The following RPA1 variants were observed in gnomAD, a reference collection of about 807,000 sequenced individuals.
The protein encoded by RPA1 is replication protein A1.
Under a neutral mutation model 83.0 loss-of-function variants are expected in RPA1, and 49 were observed. The observed-to-expected ratio is 0.59, with a 90% CI of 0.47 to 0.75. The LOEUF (loss-of-function observed/expected upper bound fraction) is 0.75, where lower values mean the gene tolerates loss of function less well. Among genes scored for constraint, RPA1 ranks in the 30% least tolerant of loss-of-function variants. RPA1 has a pLI of 0.00. For synonymous variants in RPA1, 279 were observed against 281.8 expected (o/e 0.99, Z 0.10); for missense variants, 693 against 776.1 (o/e 0.89, Z 1.27).
At chr17:1,875,929 T>G (rs1335836509) in intron 7 of RPA1, 136 bp downstream of exon 7, 20 of 915,570 alleles carry the variant, frequency 2.2e-5, no homozygotes, top group Non-Finnish European at 2.8e-5. Flanking sequence ...ACTCTTTTTT[T>G]TTTTTTTTTT....
intron 1 of RPA1, among the ~76,000 whole-genome samples, chr17:1,834,987 G>A (rs943291201): frequency 3.3e-5 from 5 of 151,828 alleles, no homozygotes; most frequent in Admixed American, 2.6e-4. Flanking sequence ...TCTGTCTCTC[G>A]ATTACAGACG....
chr17:1,868,152 C>A (rs548774179), intron 5 of RPA1, among the ~76,000 whole-genome samples: 2 of 152,260 alleles, frequency 1.3e-5, no homozygotes, highest in African/African-American at 4.8e-5. Flanking sequence ...GTACCCAGCT[C>A]CACTGGGCCT....
At chr17:1,890,592 G>A (rs1406240610) in intron 14 of RPA1, among the ~76,000 whole-genome samples, 1 of 152,138 alleles carries the variant, frequency 6.6e-6, no homozygotes, top group Non-Finnish European at 1.5e-5. Flanking sequence ...GAACCCGGGA[G>A]GTGGAGTTTG....
chr17:1,862,051 C>T (rs1398485832), intron 5 of RPA1, among the ~76,000 whole-genome samples: 2 of 151,396 alleles, frequency 1.3e-5, no homozygotes, highest in African/African-American at 2.4e-5. Context: ...CCACCATGCC[C>T]GGGTGATTTT....
At chr17:1,866,549 T>C (rs146667324) in intron 5 of RPA1, among the ~76,000 whole-genome samples, 2,803 of 152,288 alleles carry the variant, frequency 0.018, 88 homozygotes, top group African/African-American at 0.063. Context: ...ACTCCTGACT[T>C]CAAGTGATCT....
At chr17:1,883,514 G>T (rs1439076273) in intron 12 of RPA1, among the ~76,000 whole-genome samples, 1 of 152,112 alleles carries the variant, frequency 6.6e-6, no homozygotes, top group Non-Finnish European at 1.5e-5. Flanking sequence ...TACTTAGCAG[G>T]GCAAAGGTGG....
intron 10 of RPA1, 30 bp from the exon 11 acceptor site, chr17:1,879,530 A>C: frequency 6.2e-7 from 1 of 1,613,894 alleles, no homozygotes; most frequent in Non-Finnish European, 8.5e-7. Context: ...AGTCTTGACC[A>C]CCTCCTGCTA....
intron 4 of RPA1, among the ~76,000 whole-genome samples, chr17:1,845,967 A>G (rs2151272276): frequency 6.6e-6 from 1 of 152,284 alleles, no homozygotes. Context: ...AAAAACCGAG[A>G]TAAAAAATGA....
intron 7 of RPA1, among the ~76,000 whole-genome samples, chr17:1,876,742 A>C (rs1325341461): frequency 6.6e-6 from 1 of 152,150 alleles, no homozygotes; most frequent in African/African-American, 2.4e-5. Flanking sequence ...GCTTCTCTCT[A>C]AGGTCATGCT....
Position 1,887,197 on chromosome 17 carries a change from A to G in RPA1, c.1375-1478A>G, listed in dbSNP as rs746528552. On this transcript the variant is annotated intron_variant, in intron 13 of 16. Transcript: ENST00000254719. The stretch of plus-strand genomic sequence containing the variant: ...GTCAGCATACATACAACATTCATCA[A>G]TATAAGTTCCCCATCTTATATGGGT... Among the ~76,000 whole-genome samples, 5 of 152,180 alleles carry G rather than the reference A, an allele frequency of 3.3e-5. No homozygotes were observed. The East Asian group carries it at 5.8e-4, about 18-fold the overall frequency.
At chr17:1,856,894 ATTGATCTCAAAGGAGCAACTTT>A (rs1372435099) in intron 5 of RPA1, among the ~76,000 whole-genome samples, 2 of 151,866 alleles carry the variant, frequency 1.3e-5, no homozygotes, top group African/African-American at 4.8e-5. Flanking sequence ...CATCAATCTT[ATTGATCTCAAAGGAGCAACTTT>A]TGGTTTTATT....
At chr17:1,838,232 A>G (rs1911897455) in intron 1 of RPA1, among the ~76,000 whole-genome samples, 1 of 149,300 alleles carries the variant, frequency 6.7e-6, no homozygotes, top group African/African-American at 2.5e-5. Context: ...CGGAGCTTGT[A>G]GTGAGCCAAG....
intron 6 of RPA1, among the ~76,000 whole-genome samples, chr17:1,874,026 T>C (rs1453445307): frequency 0.013 from 1,422 of 110,064 alleles, 14 homozygotes; most frequent in African/African-American, 0.022. Context: ...TATATATATA[T>C]ATATATACAC....
In RPA1 at chr17:1,897,112, C is replaced by T. The variant is rs140452572; in HGVS notation, c.1788C>T (p.Pro596=). ...AGGCCACTGTGATGGACGTGAAGCC[C>T]GTGGACTACAGAGAGTATGGCCGAA... is the stretch of plus-strand genomic sequence containing the variant. ...RIKATVMDVK[P]VDYREYGRRL... is the part of the protein sequence containing the mutation. Residue 596 remains proline, a synonymous_variant, in exon 17 of 17, where the codon CCC becomes CCT. Transcript: ENST00000254719. 8.3e-6 allele frequency: 13 copies of T among 1,573,208 alleles called. No homozygotes were observed. The highest frequency in any genetic ancestry group is 6.8e-5 in the African/African-American group (5 of 73,836).
At chr17:1,830,224 A>G in intron 1 of RPA1, 98 bp downstream of exon 1, 1 of 573,922 alleles carries the variant, frequency 1.7e-6, no homozygotes, top group Non-Finnish European at 2.3e-6. Flanking sequence ...GCGACGGGGG[A>G]TGAACGCGAG....
chr17:1,840,802 C>T (rs1248686170), intron 1 of RPA1, among the ~76,000 whole-genome samples: 3 of 152,080 alleles, frequency 2.0e-5, no homozygotes, highest in Admixed American at 6.6e-5. Context: ...CGGTGGCTCA[C>T]GCCTGTAATC....
intron 12 of RPA1, among the ~76,000 whole-genome samples, chr17:1,881,888 C>CTCTCTCCTTGCTCTG (rs11276126): frequency 0.87 from 132,192 of 152,116 alleles, 57,744 homozygotes; most frequent in Non-Finnish European, 0.92. Context: ...GAAGGGCCGC[C>CTCTCTCCTTGCTCTG]TTGACTCCTG....
At chr17:1,883,774 A>T in intron 12 of RPA1, 38 bp from the exon 13 acceptor site, 1 of 1,612,852 alleles carries the variant, frequency 6.2e-7, no homozygotes, top group Non-Finnish European at 8.5e-7. Context: ...AGCATGTCAC[A>T]TCAAGCGCTC....
intron 1 of RPA1, 114 bp downstream of exon 1, chr17:1,830,240 GAGAT>G: frequency 1.5e-6 from 1 of 684,526 alleles, no homozygotes; most frequent in Non-Finnish European, 2.0e-6. Flanking sequence ...GCGAGGGGAG[GAGAT>G]GGCGGGGGGC....
Sources: gnomAD v4.1 joint callset for allele counts (sites outside exome capture counted in the v4.1 genomes callset) on GRCh38, gnomAD v4.1.1 for gene constraint, MANE v1.5 for transcripts, NCBI Gene and HGNC (gene_info 2026-07-23, HGNC 2026-07-21) for gene names.